Variants in MARCHF1 observed in about 807,000 individuals in gnomAD.
The protein encoded by MARCHF1 is E3 ubiquitin-protein ligase MARCHF1.
MARCHF1 carries 40 observed loss-of-function variants against 54.2 expected under a neutral mutation model. The observed-to-expected ratio is 0.74, with a 90% CI of 0.57 to 0.96. MARCHF1 has a LOEUF of 0.96. Among genes scored for constraint, MARCHF1 ranks in the 40% least tolerant of loss-of-function variants. MARCHF1 has a pLI of 0.00. For synonymous variants in MARCHF1, 236 were observed against 236.3 expected, an observed-to-expected ratio of 1.00 and a Z score of 0.01; for missense variants, 586 against 656.5, an observed-to-expected ratio of 0.89 and a Z score of 1.17.
intron 3 of MARCHF1, among the ~76,000 whole-genome samples, chr4:163,857,076 G>A (rs1749788685): frequency 1.3e-5 from 2 of 149,196 alleles, no homozygotes; most frequent in Admixed American, 1.3e-4. Flanking sequence ...GAAGCAGCAT[G>A]AGTATAGGTG....
At chr4:164,211,792 TG>T in intron 1 of MARCHF1, among the ~76,000 whole-genome samples, 1 of 152,112 alleles carries the variant, frequency 6.6e-6, no homozygotes, top group South Asian at 2.1e-4. Flanking sequence ...CAAGCAGAGA[TG>T]ACACGTTTAG....
intron 2 of MARCHF1, among the ~76,000 whole-genome samples, chr4:164,035,136 A>C (rs895537675): frequency 6.6e-5 from 10 of 152,262 alleles, no homozygotes; most frequent in African/African-American, 2.4e-4. Flanking sequence ...ATTTACTTAT[A>C]TAATTTTTAT....
At chr4:163,675,585 A>G (rs145396166) in intron 5 of MARCHF1, among the ~76,000 whole-genome samples, 139 of 152,378 alleles carry the variant, frequency 9.1e-4, no homozygotes, top group Non-Finnish European at 2.8e-4. Context: ...GAACTGGGCA[A>G]TAACAAAGGG....
At chr4:164,076,163 CA>C (rs1754975058) in intron 2 of MARCHF1, among the ~76,000 whole-genome samples, 1 of 151,052 alleles carries the variant, frequency 6.6e-6, no homozygotes, top group Non-Finnish European at 1.5e-5. Context: ...ACAACAACAA[CA>C]ACAACAACAA....
At chr4:163,668,226 C>T (rs574346892) in intron 5 of MARCHF1, among the ~76,000 whole-genome samples, 1 of 152,098 alleles carries the variant, frequency 6.6e-6, no homozygotes, top group Non-Finnish European at 1.5e-5. Flanking sequence ...TCACAAATTT[C>T]ACTGCCAAGC....
intron 5 of MARCHF1, among the ~76,000 whole-genome samples, chr4:163,616,666 C>T (rs1164820656): frequency 6.6e-6 from 1 of 151,906 alleles, no homozygotes; most frequent in African/African-American, 2.4e-5. Context: ...CTTCCTTGAG[C>T]CCAGGTGTTT....
intron 5 of MARCHF1, among the ~76,000 whole-genome samples, chr4:163,662,734 G>A (rs771443678): frequency 2.0e-5 from 3 of 151,860 alleles, no homozygotes; most frequent in Admixed American, 6.6e-5. Flanking sequence ...TACTCAGGCC[G>A]GATTGTTTTT....
Position 163,746,379 on chromosome 4 carries a change from A to G in MARCHF1, c.112-45516T>C, listed in dbSNP as rs562207280. Among the ~76,000 whole-genome samples the G allele has an allele frequency of 2.8e-4, 42 of 152,246 alleles. 1 individual carries two copies. The South Asian group carries it at 8.3e-3, about 30-fold the overall frequency. ...CGCTGAATAATATTCCATTGTCTGT[A>G]GGTACCACAGCTTATCTATCCATTC... On this transcript the variant is annotated intron_variant, in intron 4 of 9. Transcript: ENST00000514618.
intron 1 of MARCHF1, among the ~76,000 whole-genome samples, chr4:164,131,085 T>C (rs751124195): frequency 6.6e-6 from 1 of 152,148 alleles, no homozygotes; most frequent in African/African-American, 2.4e-5. Context: ...AATGTGTATG[T>C]AACGTATATA....
chr4:164,262,465 TG>T (rs1169756511), intron 1 of MARCHF1, among the ~76,000 whole-genome samples: 3 of 152,202 alleles, frequency 2.0e-5, no homozygotes, highest in Non-Finnish European at 4.4e-5. Flanking sequence ...CCAGAATGGC[TG>T]AACAGTCAGT....
chr4:164,090,423 G>T (rs931246711), intron 2 of MARCHF1, among the ~76,000 whole-genome samples: 5 of 151,980 alleles, frequency 3.3e-5, no homozygotes, highest in African/African-American at 1.2e-4. Flanking sequence ...TATTTGTGAT[G>T]ATTAAATTTT....
intron 2 of MARCHF1, among the ~76,000 whole-genome samples, chr4:164,040,009 A>ATC (rs1243291757): frequency 6.8e-6 from 1 of 147,082 alleles, no homozygotes; most frequent in Non-Finnish European, 1.5e-5. Flanking sequence ...TGTATATATA[A>ATC]TATATATACA....
chr4:163,803,211 T>G (rs1748130939), intron 4 of MARCHF1, among the ~76,000 whole-genome samples: 1 of 152,210 alleles, frequency 6.6e-6, no homozygotes, highest in Admixed American at 6.5e-5. Context: ...TTCACTCTTT[T>G]TGTCCAGTCT....
rs146782530 is a variant in MARCHF1, at chr4:163,829,600, G to A, written c.111+24421C>T. The stretch of plus-strand genomic sequence containing the variant: ...TCCCTGAATTTCTACAGAAGTGCAC[G>A]CAGGCTCAGGGTAAAAGGAAGACAA... On this transcript the variant is annotated intron_variant, in intron 4 of 9. Coordinates refer to ENST00000514618, the MANE Select transcript of MARCHF1 (RefSeq NM_001394959.1). Among the ~76,000 whole-genome samples the A allele has an allele frequency of 2.7e-3, 407 of 152,242 alleles. 1 individual carries two copies. Among genetic ancestry groups the A allele is most frequent in the African/African-American group, 8.9e-3 (368 of 41,546 alleles).
intron 4 of MARCHF1, among the ~76,000 whole-genome samples, chr4:163,747,154 C>T (rs1425300577): frequency 6.6e-6 from 1 of 152,174 alleles, no homozygotes; most frequent in African/African-American, 2.4e-5. Context: ...TGTCCTTTCA[C>T]CGTACTACAA....
intron 4 of MARCHF1, among the ~76,000 whole-genome samples, chr4:163,762,138 T>C (rs1331717205): frequency 6.6e-6 from 1 of 152,186 alleles, no homozygotes; most frequent in Non-Finnish European, 1.5e-5. Context: ...GTTTGTTTCT[T>C]AAGTAAAGCC....
intron 1 of MARCHF1, among the ~76,000 whole-genome samples, chr4:164,368,229 T>C (rs1233153144): frequency 1.3e-5 from 2 of 150,900 alleles, no homozygotes; most frequent in African/African-American, 4.9e-5. Flanking sequence ...AAAAATAATA[T>C]CATATAATTC....
chr4:163,989,582 T>C (rs537449575), intron 2 of MARCHF1, among the ~76,000 whole-genome samples: 1 of 152,338 alleles, frequency 6.6e-6, no homozygotes, highest in South Asian at 2.1e-4. Context: ...TCAAAAGTTA[T>C]ACAATTTGGA....
intron 2 of MARCHF1, among the ~76,000 whole-genome samples, chr4:164,037,030 G>A (rs188032906): frequency 6.8e-4 from 103 of 152,196 alleles, no homozygotes; most frequent in African/African-American, 2.1e-3. Context: ...TTTAATATGG[G>A]GGGAATAAGA....
Sources: gnomAD v4.1 joint callset for allele counts (sites outside exome capture counted in the v4.1 genomes callset) on GRCh38, gnomAD v4.1.1 for gene constraint, MANE v1.5 for transcripts, NCBI Gene and HGNC (gene_info 2026-07-23, HGNC 2026-07-21) for gene names.